Variants in SULT2B1 observed in about 807,000 individuals in gnomAD.
The protein encoded by SULT2B1 is sulfotransferase 2B1.
SULT2B1 carries 16 observed loss-of-function variants against 33.2 expected under a neutral mutation model. The observed-to-expected ratio is 0.48, with a 90% confidence interval of 0.33 to 0.73. The LOEUF (loss-of-function observed/expected upper bound fraction) is 0.73. Among genes scored for constraint, SULT2B1 ranks in the 30% least tolerant of loss-of-function variants. SULT2B1 has a pLI of 0.02. For missense variants in SULT2B1, 500 were observed against 506.0 expected (o/e 0.99, Z 0.11); for synonymous variants, 186 against 200.5 (o/e 0.93, Z 0.61).
intron 3 of SULT2B1, among the ~76,000 whole-genome samples, chr19:48,588,972 C>G (rs1457259910): frequency 2.0e-5 from 3 of 152,186 alleles, no homozygotes; most frequent in Admixed American, 6.5e-5. Context: ...CGCGTGGGCC[C>G]GGTGCGGACT....
chr19:48,576,711 C>T (rs1049461426), intron 2 of SULT2B1, among the ~76,000 whole-genome samples: 1 of 145,410 alleles, frequency 6.9e-6, no homozygotes, highest in Non-Finnish European at 1.5e-5. Context: ...ACAATCTCGG[C>T]TCATTTCAGC....
At chr19:48,598,191 A>G (rs1973746105) in intron 6 of SULT2B1, among the ~76,000 whole-genome samples, 1 of 152,170 alleles carries the variant, frequency 6.6e-6, no homozygotes, top group South Asian at 2.1e-4. Flanking sequence ...GCTGGGTAAC[A>G]TGGGGCACGT....
At chr19:48,572,230 C>A (rs553419574) in intron 1 of SULT2B1, among the ~76,000 whole-genome samples, 3 of 152,166 alleles carry the variant, frequency 2.0e-5, no homozygotes, top group African/African-American at 7.2e-5. Context: ...AGGGTGACAT[C>A]TGTGCTGGGA....
chr19:48,558,117 C>A (rs549906035), intron 1 of SULT2B1, among the ~76,000 whole-genome samples: 6 of 152,140 alleles, frequency 3.9e-5, no homozygotes, highest in Admixed American at 2.6e-4. Context: ...TTACAGCCGT[C>A]GGAGATTAAC....
At chr19:48,588,829 G>A (rs1296282207) in intron 3 of SULT2B1, among the ~76,000 whole-genome samples, 4 of 152,172 alleles carry the variant, frequency 2.6e-5, no homozygotes, top group Non-Finnish European at 1.5e-5. Context: ...AAAAGCAGGT[G>A]CAAAGGCCCT....
At chr19:48,559,534 C>G (rs1973147681) in intron 1 of SULT2B1, among the ~76,000 whole-genome samples, 1 of 152,114 alleles carries the variant, frequency 6.6e-6, no homozygotes, top group Admixed American at 6.6e-5. Flanking sequence ...CCATGCCTAG[C>G]TAATTTTTGT....
At chr19:48,592,572 T>G (rs1456619052) in intron 4 of SULT2B1, 150 bp from the exon 5 acceptor site, 3 of 643,566 alleles carry the variant, frequency 4.7e-6, no homozygotes, top group Non-Finnish European at 8.1e-6. Flanking sequence ...CAGAACTTGG[T>G]GGAAATGTGG....
intron 1 of SULT2B1, among the ~76,000 whole-genome samples, chr19:48,561,227 C>T (rs541901555): frequency 1.1e-3 from 164 of 151,996 alleles, no homozygotes; most frequent in African/African-American, 3.8e-3. Flanking sequence ...GTGGGGAGTT[C>T]CAGACCAGCC....
intron 3 of SULT2B1, among the ~76,000 whole-genome samples, chr19:48,589,435 G>A (rs1973614475): frequency 6.6e-6 from 1 of 152,120 alleles, no homozygotes; most frequent in African/African-American, 2.4e-5. Context: ...GAGAGACTTG[G>A]GCTGACACGT....
chr19:48,582,545 A>C (rs1469406241), intron 2 of SULT2B1, among the ~76,000 whole-genome samples: 1 of 152,062 alleles, frequency 6.6e-6, no homozygotes, highest in East Asian at 1.9e-4. Context: ...CCTCTATAGA[A>C]ATTGTGGAAG....
intron 1 of SULT2B1, among the ~76,000 whole-genome samples, chr19:48,568,016 A>C (rs1288723279): frequency 1.3e-5 from 2 of 152,010 alleles, no homozygotes; most frequent in Non-Finnish European, 2.9e-5. Context: ...TTATGCCTGT[A>C]ATCCCAGCAC....
chr19:48,562,216 G>A (rs955895811), intron 1 of SULT2B1, among the ~76,000 whole-genome samples: 10 of 152,032 alleles, frequency 6.6e-5, no homozygotes, highest in East Asian at 1.9e-4. Flanking sequence ...GTAAAACCCC[G>A]TTTCTACTAA....
chr19:48,576,119 G>T (rs776382334), intron 2 of SULT2B1, 36 bp downstream of exon 2: 22 of 1,482,844 alleles, frequency 1.5e-5, no homozygotes, highest in African/African-American at 1.1e-4. Flanking sequence ...GGGCTGGGGA[G>T]AGTGGGGAGG....
chr19:48,587,890 C>CA (rs67551728), intron 3 of SULT2B1, among the ~76,000 whole-genome samples: 20 of 39,906 alleles, frequency 5.0e-4, no homozygotes, highest in South Asian at 1.9e-3. Flanking sequence ...AAGACTGTCT[C>CA]AAAAAAAAAA....
At chr19:48,553,676 G>A (rs1337628303) in intron 1 of SULT2B1, among the ~76,000 whole-genome samples, 1 of 152,036 alleles carries the variant, frequency 6.6e-6, no homozygotes, top group Non-Finnish European at 1.5e-5. Flanking sequence ...GCTGGGGCAT[G>A]AAGAGGCCTT....
At chr19:48,590,597 G>A (rs975682107) in intron 3 of SULT2B1, among the ~76,000 whole-genome samples, 2 of 151,962 alleles carry the variant, frequency 1.3e-5, no homozygotes, top group East Asian at 2.0e-4. Flanking sequence ...GCGAGACTTC[G>A]TCTAAAACAA....
At chr19:48,560,578 T>TA (rs1973162680) in intron 1 of SULT2B1, among the ~76,000 whole-genome samples, 1 of 150,096 alleles carries the variant, frequency 6.7e-6, no homozygotes, top group African/African-American at 2.5e-5. Flanking sequence ...AGCCACCTTT[T>TA]TAAAAAAACA....
intron 3 of SULT2B1, among the ~76,000 whole-genome samples, chr19:48,590,763 C>T (rs1195426345): frequency 2.0e-5 from 3 of 152,154 alleles, no homozygotes; most frequent in Admixed American, 1.3e-4. Context: ...AGACCTCACA[C>T]CAGCAGCCAC....
At chr19:48,558,679 C>CTTTTTTTTTTTTTTTT (rs869189397) in intron 1 of SULT2B1, among the ~76,000 whole-genome samples, 6 of 106,176 alleles carry the variant, frequency 5.7e-5, no homozygotes, top group Non-Finnish European at 7.2e-5. Flanking sequence ...CTTTTCTTTT[C>CTTTTTTTTTTTTTTTT]TTTTTTTTTT....
Sources: allele counts gnomAD v4.1 joint callset (sites outside exome capture counted in the v4.1 genomes callset), GRCh38; gene constraint gnomAD v4.1.1; transcripts MANE v1.5; gene names NCBI Gene and HGNC (gene_info 2026-07-23, HGNC 2026-07-21).